Variants in CELF2 observed in about 807,000 individuals in gnomAD.
The protein encoded by CELF2 is CUGBP Elav-like family member 2.
Under a neutral mutation model 62.6 loss-of-function variants are expected in CELF2, and 8 were observed. The observed-to-expected ratio is 0.13, with a 90% CI of 0.07 to 0.23. CELF2 has a LOEUF of 0.23. Ranked by LOEUF, CELF2 falls within the 10% of genes least tolerant of loss-of-function variation. CELF2 has a pLI of 1.00. For synonymous variants in CELF2, 258 were observed against 250.0 expected (o/e 1.03, Z -0.30); for missense variants, 333 against 671.0 (o/e 0.50, Z 5.56).
At chr10:10,954,942 A>G (rs887438262) in intron 2 of CELF2, among the ~76,000 whole-genome samples, 1 of 152,264 alleles carries the variant, frequency 6.6e-6, no homozygotes, top group Non-Finnish European at 1.5e-5. Context: ...AAAAAGATAA[A>G]TCATAATCCA....
chr10:11,253,212 G>T (rs138457335), intron 4 of CELF2, among the ~76,000 whole-genome samples: 1 of 152,176 alleles, frequency 6.6e-6, no homozygotes, highest in Non-Finnish European at 1.5e-5. Flanking sequence ...TATACAGAGC[G>T]TAAATCCATC....
At chr10:10,881,749 CT>C (rs36007130) in intron 1 of CELF2, among the ~76,000 whole-genome samples, 67,473 of 151,954 alleles carry the variant, frequency 0.44, 16,284 homozygotes, top group Middle Eastern at 0.57. Context: ...GCTAGAATCC[CT>C]TTTTTTCAGA....
the CELF2 span, among the ~76,000 whole-genome samples, chr10:10,611,483 C>T: frequency 6.6e-6 from 1 of 152,074 alleles, no homozygotes. Flanking sequence ...CTTTTAGAAC[C>T]CGTAAGTCAC....
intron 1 of CELF2, among the ~76,000 whole-genome samples, chr10:11,112,407 G>A (rs1239495700): frequency 6.6e-6 from 1 of 152,192 alleles, no homozygotes; most frequent in Non-Finnish European, 1.5e-5. Flanking sequence ...AGAAAGACGA[G>A]GACATGTTGA....
the CELF2 span, among the ~76,000 whole-genome samples, chr10:10,522,170 C>A: frequency 6.6e-6 from 1 of 152,196 alleles, no homozygotes; most frequent in African/African-American, 2.4e-5. Flanking sequence ...CCCAAGAGCC[C>A]TTCTCCACAT....
At chr10:11,105,698 T>C (rs1255928292) in intron 1 of CELF2, among the ~76,000 whole-genome samples, 1 of 152,242 alleles carries the variant, frequency 6.6e-6, no homozygotes, top group Non-Finnish European at 1.5e-5. Context: ...GCCAGGTCAT[T>C]CTGCAGCTGT....
chr10:10,665,819 T>G, the CELF2 span, among the ~76,000 whole-genome samples: 2 of 152,164 alleles, frequency 1.3e-5, no homozygotes, highest in African/African-American at 2.4e-5. Context: ...CACAAAGAAC[T>G]CATTTGGTAG....
intron 1 of CELF2, among the ~76,000 whole-genome samples, chr10:11,162,351 G>C (rs1010108112): frequency 5.3e-5 from 8 of 152,234 alleles, no homozygotes; most frequent in African/African-American, 1.9e-4. Flanking sequence ...AAGGTGGGGG[G>C]TGGTGATATT....
chr10:10,704,254 A>T, the CELF2 span, among the ~76,000 whole-genome samples: 1 of 152,112 alleles, frequency 6.6e-6, no homozygotes, highest in Non-Finnish European at 1.5e-5. Context: ...AGTCTGAACT[A>T]CCATTGTCAA....
At chr10:10,743,817 T>A in the CELF2 span, among the ~76,000 whole-genome samples, 2 of 152,184 alleles carry the variant, frequency 1.3e-5, no homozygotes, top group Non-Finnish European at 2.9e-5. Flanking sequence ...TTTAGGCAAT[T>A]GTTCCTAAAC....
At chr10:10,672,927 T>C in the CELF2 span, among the ~76,000 whole-genome samples, 3 of 152,300 alleles carry the variant, frequency 2.0e-5, no homozygotes, top group East Asian at 1.9e-4. Flanking sequence ...TCTATGAATA[T>C]GGAATATCTC....
Position 11,319,334 on chromosome 10 carries a change from G to C in CELF2, c.1097-1855G>C. On this transcript the variant is annotated intron_variant, in intron 10 of 12. Coordinates refer to ENST00000633077, the MANE Select transcript of CELF2 (RefSeq NM_001326342.2). This position sits in a 1 kb window ranked among gnomAD's most constrained non-coding sequence, Gnocchi z 4.4. The stretch of plus-strand genomic sequence containing the variant: ...CCTTTGCATCACACAAATAGTGGGA[G>C]GTGAGGATGAAGTAAGATCACTGGA... The C allele has an allele frequency of 2.8e-6, 1 of 352,380 alleles. No homozygotes were observed. The highest frequency in any genetic ancestry group is 5.7e-6 in the Non-Finnish European group (1 of 176,914). 21.8% of individuals were successfully genotyped at this position (352,380 alleles called of 1,614,324 possible).
At chr10:10,598,751 CTTTT>C in the CELF2 span, among the ~76,000 whole-genome samples, 22 of 69,586 alleles carry the variant, frequency 3.2e-4, no homozygotes, top group East Asian at 1.2e-3. Flanking sequence ...CTTTTTCTTT[CTTTT>C]TTTTTTTTTT....
rs2049045036 is a variant in CELF2, at chr10:10,957,628, C to G, written c.89+37629C>G. Among the ~76,000 whole-genome samples the G allele has an allele frequency of 6.6e-6, 1 of 152,178 alleles. No homozygotes were observed. Reference sequence around the variant, plus strand: ...CAACCTCTTACCTGAAGAACACGTTCAGGATCACTTCTGTGCTCCCGATGT... The same window carrying G: ...CAACCTCTTACCTGAAGAACACGTTGAGGATCACTTCTGTGCTCCCGATGT... On this transcript the variant is annotated intron_variant, in intron 2 of 13. Transcript: ENST00000636488. The surrounding 1 kb of genome is among the most constrained non-coding windows in gnomAD (Gnocchi z 4.1).
At chr10:10,864,022 T>G (rs2060204569) in intron 1 of CELF2, among the ~76,000 whole-genome samples, 1 of 152,212 alleles carries the variant, frequency 6.6e-6, no homozygotes, top group Non-Finnish European at 1.5e-5. Flanking sequence ...GTGCTGCTTG[T>G]TCAAACAAAC....
intron 1 of CELF2, among the ~76,000 whole-genome samples, chr10:10,905,675 A>T (rs1274846878): frequency 6.6e-6 from 1 of 152,076 alleles, no homozygotes; most frequent in Non-Finnish European, 1.5e-5. Context: ...TCAGAGATCG[A>T]GACCATCCTG....
intron 1 of CELF2, among the ~76,000 whole-genome samples, chr10:10,835,228 C>T (rs759140953): frequency 6.6e-6 from 1 of 152,080 alleles, no homozygotes; most frequent in Non-Finnish European, 1.5e-5. Flanking sequence ...TCCTAGCTCA[C>T]TGCAGCCTCC....
At chr10:11,022,991 A>G (rs2058582334) in intron 1 of CELF2, among the ~76,000 whole-genome samples, 1 of 152,242 alleles carries the variant, frequency 6.6e-6, no homozygotes. Context: ...TTAATAAGTC[A>G]TCAATGTTGC....
chr10:11,271,308 G>T (rs553481545), intron 7 of CELF2, among the ~76,000 whole-genome samples: 2 of 152,216 alleles, frequency 1.3e-5, no homozygotes, highest in Non-Finnish European at 1.5e-5. Flanking sequence ...TCAAGCCCCA[G>T]CAGACCCAGT....
Sources: allele counts gnomAD v4.1 joint callset (sites outside exome capture counted in the v4.1 genomes callset), GRCh38; gene constraint gnomAD v4.1.1; non-coding constraint Gnocchi (gnomAD v3.1); transcripts MANE v1.5; gene names NCBI Gene and HGNC (gene_info 2026-07-23, HGNC 2026-07-21).